SLC26A3: variants seen among roughly 807,000 people sequenced by gnomAD.
SLC26A3 encodes chloride anion exchanger.
A neutral mutation model predicts 85.6 loss-of-function variants in SLC26A3; 64 were observed. That is an observed-to-expected ratio of 0.75 (90% CI 0.61 to 0.92). The LOEUF is 0.92. Ranked by LOEUF, SLC26A3 falls within the 40% of genes least tolerant of loss-of-function variation. The probability of loss-of-function intolerance (pLI) is 0.00; values close to 1 mark genes in which losing one functional copy is unlikely to be tolerated. For missense variants in SLC26A3, 922 were observed against 927.3 expected, an observed-to-expected ratio of 0.99 and a Z score of 0.07; for synonymous variants, 349 against 336.0, an observed-to-expected ratio of 1.04 and a Z score of -0.42.
rs1249718844 is a variant in SLC26A3 at position 107,776,525 on chromosome 7, A to G, written c.1604T>C (p.Val535Ala). 6.2e-7 allele frequency: 1 copy of G among 1,613,852 alleles called. No individual in the cohort carries two copies. Among genetic ancestry groups the G allele is most frequent in the East Asian group, 2.2e-5 (1 of 44,870 alleles). The part of the protein sequence containing the change: ...DYYDMYEPEG[V>A]KIFRCPSPIY... ...AGGAGATGGACATCTGAAAATTTTC[A>G]CTCCTTCTGGCTCATACATCTGTAA... The change falls in exon 15 of 21, where the codon GTG becomes GCG. Residue 535 changes from valine (V) to alanine (A), a missense_variant. By Grantham distance (64) the Val-to-Ala change is moderately conservative. Coordinates refer to ENST00000340010, the MANE Select transcript of SLC26A3 (RefSeq NM_000111.3).
rs2283044 is a variant in SLC26A3, at chr7:107,800,108, G to T, written c.-89+3003C>A. On this transcript the variant is annotated intron_variant, in intron 1 of 20. Transcript: ENST00000340010. ...CACAATTGCAGCAGGTTCCTAACAC[G>T]CTATGATATTTAACAGTTCCGTATC... is the stretch of plus-strand genomic sequence containing the variant. Among the ~76,000 whole-genome samples the T allele has an allele frequency of 5.9e-5, 9 of 152,058 alleles. No homozygotes were observed. The East Asian group carries it at 1.2e-3, about 20-fold the overall frequency.
Position 107,785,577 on chromosome 7 carries a change from G to A in SLC26A3, c.971+1250C>T, listed in dbSNP as rs78018385. ...TATTCATTTTTTCTATTTGGTTTAT[G>A]TCTCCCAAGACATTTAAGTAAAGTG... On this transcript the variant is annotated intron_variant, in intron 8 of 20. Transcript: ENST00000340010. 8.6e-3 allele frequency among the ~76,000 whole-genome samples: 1,302 copies of A among 152,164 alleles called. 25 individuals carry two copies. Among genetic ancestry groups the A allele is most frequent in the African/African-American group, 0.03 (1,240 of 41,504 alleles).
chr7:107,786,877 A>G lies in SLC26A3; in HGVS notation c.921T>C (p.Cys307=). 1 of 1,614,118 alleles carries G rather than the reference A, an allele frequency of 6.2e-7. No homozygotes were observed. The highest frequency in any genetic ancestry group is 8.5e-7 in the Non-Finnish European group (1 of 1,179,996). The part of the protein sequence containing the change: ...TVIAAGVSYG[C]DFKNRFKVAV... ...CCACTTTAAACCTGTTTTTAAAGTC[A>G]CAGCCGTAGGATACACCTGCTGCAA... is the stretch of plus-strand genomic sequence containing the variant. Residue 307 remains cysteine (C), a synonymous_variant, in exon 8 of 21, where the codon TGT becomes TGC. Coordinates refer to ENST00000340010, the MANE Select transcript of SLC26A3 (RefSeq NM_000111.3).
chr7:107,780,827 A>G (rs1269861781), intron 11 of SLC26A3, among the ~76,000 whole-genome samples: 4 of 152,208 alleles, frequency 2.6e-5, no homozygotes, highest in Non-Finnish European at 4.4e-5. Context: ...AAAAATGGTG[A>G]AAATTGAATA....
chr7:107,802,657 A>G (rs1376694651), intron 1 of SLC26A3, among the ~76,000 whole-genome samples: 1 of 149,692 alleles, frequency 6.7e-6, no homozygotes, highest in Non-Finnish European at 1.5e-5. Context: ...ACATATCCCT[A>G]TGCCTGGCTG....
chr7:107,782,898 T>C (rs1256359848), intron 10 of SLC26A3, 24 bp from the exon 11 acceptor site: 27 of 1,613,860 alleles, frequency 1.7e-5, no homozygotes, highest in Non-Finnish European at 2.3e-5. Context: ...AAAATTATCA[T>C]CACCAACTCA....
chr7:107,776,481 C>A lies in SLC26A3; in HGVS notation c.1648G>T (p.Gly550Cys). 1.2e-6 allele frequency: 2 copies of A among 1,614,024 alleles called. No individual in the cohort carries two copies. The highest frequency in any genetic ancestry group is 8.5e-7 in the Non-Finnish European group (1 of 1,179,944). Residue 550 changes from glycine (G) to cysteine (C), a missense_variant, in exon 15 of 21, where the codon GGT becomes TGT. Physicochemically the swap from Gly to Cys is radical, Grantham distance 159 (BLOSUM62 -3). Transcript: ENST00000340010. ...TCGATAAGTTTCCGCCTAAAGAAAC[C>A]AATGTTTGCAAAGTAGATAGGAGAT... Reference protein sequence around the residue: ...CPSPIYFANIGFFRRKLIDAV... With the variant: ...CPSPIYFANICFFRRKLIDAV...
intron 5 of SLC26A3, among the ~76,000 whole-genome samples, chr7:107,789,905 T>C (rs1250960616): frequency 2.0e-5 from 3 of 152,178 alleles, no homozygotes; most frequent in African/African-American, 7.2e-5. Context: ...GAACGTCACA[T>C]GGTATTCACA....
At chr7:107,796,450 T>G (rs985967522) in intron 1 of SLC26A3, among the ~76,000 whole-genome samples, 2 of 152,176 alleles carry the variant, frequency 1.3e-5, no homozygotes, top group Non-Finnish European at 2.9e-5. Context: ...TCTCCTCCCC[T>G]GCCACTCCCA....
chr7:107,765,942 C>T, intron 20 of SLC26A3, 64 bp from the exon 21 acceptor site: 2 of 1,396,888 alleles, frequency 1.4e-6, no homozygotes, highest in Non-Finnish European at 2.0e-6. Flanking sequence ...ATAATCACAT[C>T]TTAGGAGCTA....
chr7:107,800,762 G>A (rs1252285938), intron 1 of SLC26A3, among the ~76,000 whole-genome samples: 1 of 152,216 alleles, frequency 6.6e-6, no homozygotes, highest in Non-Finnish European at 1.5e-5. Flanking sequence ...CAAAATAATT[G>A]GTGCAGATAA....
chr7:107,791,380 G>A lies in SLC26A3; in HGVS notation c.383-145C>T, dbSNP rs1434245331. On this transcript the variant is annotated intron_variant, in intron 4 of 20. Coordinates refer to ENST00000340010, the MANE Select transcript of SLC26A3 (RefSeq NM_000111.3). ...TAATCCCAGCACTTTGGGAGGCCGAGGCGGGTGGATCACCTGAGGTCGGGA... is the reference window on the plus strand; with the variant it reads ...TAATCCCAGCACTTTGGGAGGCCGAAGCGGGTGGATCACCTGAGGTCGGGA... 3.5e-6 allele frequency: 3 copies of A among 847,606 alleles called. No homozygotes were observed. The African/African-American group carries it at 5.0e-5, about 14-fold the overall frequency. The allele number at this position is 847,606 out of a possible 1,614,324, so 52.5% of individuals were successfully genotyped here. A position where few individuals can be genotyped will look rare whatever the true frequency, so the allele number is the denominator to read the frequency against.
intron 1 of SLC26A3, among the ~76,000 whole-genome samples, chr7:107,799,058 T>C (rs2115906209): frequency 6.6e-6 from 1 of 152,108 alleles, no homozygotes; most frequent in African/African-American, 2.4e-5. Context: ...TGAGGCTGGA[T>C]AGAAGCAGGG....
intron 12 of SLC26A3, 63 bp from the exon 13 acceptor site, chr7:107,778,344 G>C (rs1794155366): frequency 2.6e-6 from 2 of 781,278 alleles, no homozygotes; most frequent in Admixed American, 2.4e-5. Flanking sequence ...TGTCGAGACG[G>C]GGTCTTTTAA....
At chr7:107,767,318 CA>C (rs1430893770) in intron 20 of SLC26A3, among the ~76,000 whole-genome samples, 1 of 152,202 alleles carries the variant, frequency 6.6e-6, no homozygotes, top group African/African-American at 2.4e-5. Flanking sequence ...GTTTGAAAAA[CA>C]AAAGAAGATA....
In SLC26A3 at chr7:107,794,955, G is replaced by GT. The variant is rs140826368; in HGVS notation, c.-88-359dup. Among the ~76,000 whole-genome samples the GT allele has an allele frequency of 9.6e-3, 1,468 of 152,172 alleles. 21 individuals are homozygous for GT. Among genetic ancestry groups the GT allele is most frequent in the African/African-American group, 0.034 (1,399 of 41,512 alleles). ...AGTGTTGGGACAGGTTAGATTTAAA[G>GT]TTTTTTTATTGCCCCAACTCCAGTC... On this transcript the variant is annotated intron_variant, in intron 1 of 20. Coordinates refer to ENST00000340010, the MANE Select transcript of SLC26A3 (RefSeq NM_000111.3).
chr7:107,774,845 G>A lies in SLC26A3; in HGVS notation c.1705C>T (p.Arg569Cys), dbSNP rs1312021722. The part of the protein sequence containing the change: ...AVGFSPLRIL[R>C]KRNKALRKIR... ...TTCCTCAAAGCTTTGTTGCGCTTGCGTAGAATTCGAAGTGGACTAAAGCCA... is the reference window on the plus strand; with the variant it reads ...TTCCTCAAAGCTTTGTTGCGCTTGCATAGAATTCGAAGTGGACTAAAGCCA... Residue 569 changes from arginine (R) to cysteine (C), a missense_variant, in exon 16 of 21, where the codon CGC becomes TGC. Coordinates refer to ENST00000340010, the MANE Select transcript of SLC26A3 (RefSeq NM_000111.3). 8.7e-6 allele frequency: 14 copies of A among 1,614,000 alleles called. No homozygotes were observed. Among genetic ancestry groups the A allele is most frequent in the African/African-American group, 4.0e-5 (3 of 74,924 alleles).
At chr7:107,785,130 A>G (rs1439901538) in intron 8 of SLC26A3, among the ~76,000 whole-genome samples, 1 of 152,230 alleles carries the variant, frequency 6.6e-6, no homozygotes, top group Non-Finnish European at 1.5e-5. Context: ...TAACAATAGT[A>G]GTGTAATTTG....
At chr7:107,776,181 A>G in intron 15 of SLC26A3, 1 of 475,796 alleles carries the variant, frequency 2.1e-6, no homozygotes, top group East Asian at 3.9e-5. Flanking sequence ...GCAGCCCAAA[A>G]CTTGGTAAAT....
Sources: gnomAD v4.1 joint callset for allele counts (sites outside exome capture counted in the v4.1 genomes callset) on GRCh38, gnomAD v4.1.1 for gene constraint, MANE v1.5 for transcripts, NCBI Gene and HGNC (gene_info 2026-07-23, HGNC 2026-07-21) for gene names.